FMNL1: variants seen among roughly 807,000 people sequenced by gnomAD.
The protein encoded by FMNL1 is formin like 1, also known as formin-like protein 1.
A neutral mutation model predicts 121.3 loss-of-function variants in FMNL1; 43 were observed. The ratio of observed to expected loss-of-function variants is 0.35; its 90% CI spans 0.28 to 0.46. The LOEUF is 0.46. FMNL1 is among the 20% of genes least tolerant of loss of function. The probability of loss-of-function intolerance (pLI) is 1.00; values close to 1 mark genes in which losing one functional copy is unlikely to be tolerated. For missense variants in FMNL1, 1,191 were observed against 1,482.4 expected, an observed-to-expected ratio of 0.80 and a Z score of 3.23; for synonymous variants, 613 against 613.5, an observed-to-expected ratio of 1.00 and a Z score of 0.01.
chr17:45,223,197 C>T (rs1466974523), intron 1 of FMNL1, among the ~76,000 whole-genome samples: 6 of 152,190 alleles, frequency 3.9e-5, no homozygotes, highest in Admixed American at 3.9e-4. Flanking sequence ...CCTTGCTGGA[C>T]GCTGGGTGAC....
At chr17:45,235,935 C>G (rs2043539701) in intron 6 of FMNL1, among the ~76,000 whole-genome samples, 1 of 152,304 alleles carries the variant, frequency 6.6e-6, no homozygotes, top group East Asian at 1.9e-4. Context: ...TCTGTGTCCC[C>G]CCTCCTCCAA....
rs780195441 is a variant in FMNL1, at chr17:45,237,238, G to C, written c.724-43G>C. 6.3e-7 allele frequency: 1 copy of C among 1,598,260 alleles called. No homozygotes were observed. Among genetic ancestry groups the C allele is most frequent in the Non-Finnish European group, 8.6e-7 (1 of 1,165,978 alleles). ...ACGTGGCGTGGGTGCCTGAAGTCCT[G>C]GGGGGCCCTTCCTGGAGACACTGAC... On this transcript the variant is annotated intron_variant, in intron 7 of 26. Coordinates refer to ENST00000331495, the MANE Select transcript of FMNL1 (RefSeq NM_005892.4). This position sits in a 1 kb window ranked among gnomAD's most constrained non-coding sequence, Gnocchi z 4.4.
Position 45,231,517 on chromosome 17 carries a change from G to A in FMNL1, c.213+830G>A, listed in dbSNP as rs550777597. ...GTAGGGGTCCCCTTGGAGCAGCTCA[G>A]CCTGACATCTCAGAGGTTGGGGGCT... On this transcript the variant is annotated intron_variant, in intron 2 of 26. Transcript: ENST00000331495. This position sits in a 1 kb window ranked among gnomAD's most constrained non-coding sequence, Gnocchi z 4.7. 3.3e-5 allele frequency: 5 copies of A among 152,686 alleles called. No homozygotes were observed. The highest frequency in any genetic ancestry group is 2.0e-4 in the Admixed American group (3 of 15,310). 9.5% of individuals were successfully genotyped at this position (152,686 alleles called of 1,614,324 possible). A position where few individuals can be genotyped will look rare whatever the true frequency, so the allele number is the denominator to read the frequency against.
At position 45,230,545 on chromosome 17, in the gene FMNL1, C is replaced by T. The variant is rs1316715422; in HGVS notation, c.130-59C>T. The T allele has an allele frequency of 1.2e-5, 18 of 1,553,268 alleles. No homozygotes were observed. The Admixed American group carries it at 3.0e-4, about 26-fold the overall frequency. On this transcript the variant is annotated intron_variant, in intron 1 of 26. Coordinates refer to ENST00000331495, the MANE Select transcript of FMNL1 (RefSeq NM_005892.4). ...AGTGGGTTTCCCCCAAATGCCCATT[C>T]TCCCCTCTCCCCTTGTTGGGGCCCC...
At chr17:45,228,649 C>T (rs992594550) in intron 1 of FMNL1, among the ~76,000 whole-genome samples, 1 of 152,214 alleles carries the variant, frequency 6.6e-6, no homozygotes, top group African/African-American at 2.4e-5. Context: ...TCTGGTGGAG[C>T]TGGCCACCTG....
chr17:45,244,117 C>T (rs1414965898), intron 18 of FMNL1, 59 bp from the exon 19 acceptor site: 4 of 1,608,770 alleles, frequency 2.5e-6, no homozygotes, highest in Non-Finnish European at 3.4e-6. Flanking sequence ...CCTGGGAGTA[C>T]TTGAGCCTCC....
chr17:45,240,410 G>A, intron 11 of FMNL1, 66 bp from the exon 12 acceptor site: 1 of 1,487,108 alleles, frequency 6.7e-7, no homozygotes, highest in Non-Finnish European at 9.0e-7. Flanking sequence ...GCAGGGGGGT[G>A]GTTTGGAAAG....
Position 45,241,077 on chromosome 17 carries a change from C to T in FMNL1, c.1231-52C>T. On this transcript the variant is annotated intron_variant, in intron 12 of 26. Transcript: ENST00000331495. The surrounding 1 kb of genome is among the most constrained non-coding windows in gnomAD (Gnocchi z 7.0). ...ATGCCTGATGCCGCCCCCTCACCGG[C>T]GGTGCCAGTGCCGGGCTGCGGGTCG... The T allele has an allele frequency of 1.2e-6, 2 of 1,602,620 alleles. No individual in the cohort carries two copies. The highest frequency in any genetic ancestry group is 1.7e-6 in the Non-Finnish European group (2 of 1,172,380).
chr17:45,241,369 G>T lies in FMNL1; in HGVS notation c.1333-13G>T, dbSNP rs138520820. On this transcript the variant is annotated splice_polypyrimidine_tract_variant and intron_variant, in intron 13 of 26. Transcript: ENST00000331495. The surrounding 1 kb of genome is among the most constrained non-coding windows in gnomAD (Gnocchi z 7.0). ...CTGCTGGTGGGCACTGACCCCTCCC[G>T]TGGGGTTCGTAGGAGCGCTTCAGCG... is the stretch of plus-strand genomic sequence containing the variant. The T allele has an allele frequency of 3.8e-6, 6 of 1,575,356 alleles. No individual in the cohort carries two copies. The African/African-American group carries it at 4.1e-5, about 11-fold the overall frequency.
At chr17:45,243,455 T>C (rs916707768) in intron 17 of FMNL1, 135 bp downstream of exon 17, 4 of 1,076,964 alleles carry the variant, frequency 3.7e-6, no homozygotes, top group Non-Finnish European at 5.2e-6. Context: ...TCCAGGAAAC[T>C]TGTCCCCATT....
In FMNL1 at chr17:45,241,583, A is replaced by C; in HGVS notation, c.1534A>C (p.Ser512Arg). ...CCTCCCCGTCGCTGTGGCAACTCCG[A>C]GCGGCGGTGATGCTCCGACTCCGGG... ...EILPVAVATP[S>R]GGDAPTPGVP... Residue 512 changes from serine (S) to arginine (R), a missense_variant, in exon 14 of 27, where the codon AGC (serine) becomes CGC (arginine). Transcript: ENST00000331495. The surrounding 1 kb of genome is among the most constrained non-coding windows in gnomAD (Gnocchi z 7.0). 6.4e-7 allele frequency: 1 copy of C among 1,558,376 alleles called. No homozygotes were observed. The highest frequency in any genetic ancestry group is 8.7e-7 in the Non-Finnish European group (1 of 1,150,318).
rs754393897 is a variant in FMNL1, at chr17:45,245,278, C to T, written c.2754C>T (p.Asp918=). The change falls in exon 22 of 27, where the codon GAC becomes GAT. Residue 918 remains aspartate, a synonymous_variant. Transcript: ENST00000331495. Reference sequence around the variant, plus strand: ...TGTCCCTGGACAGTGTCCTGGCGGACGTGCGCTCCCTGCAGCGAGGCCTAG... The same window carrying T: ...TGTCCCTGGACAGTGTCCTGGCGGATGTGCGCTCCCTGCAGCGAGGCCTAG... The part of the protein sequence containing the change: ...GSVSLDSVLA[D]VRSLQRGLEL... 79 of 1,614,062 alleles carry T rather than the reference C, an allele frequency of 4.9e-5. No individual in the cohort carries two copies. Among genetic ancestry groups the T allele is most frequent in the Non-Finnish European group, 6.3e-5 (74 of 1,180,030 alleles).
Position 45,246,917 on chromosome 17 carries a change from C to T in FMNL1, c.*59C>T, listed in dbSNP as rs767475343. ...CGCAGACACAGGCCGCCGCAGTGCC[C>T]GTCGGCGTCCCCCGGGCCCCCCACT... On this transcript the variant is annotated 3_prime_UTR_variant, in exon 27 of 27. Coordinates refer to ENST00000331495, the MANE Select transcript of FMNL1 (RefSeq NM_005892.4). 27 of 758,244 alleles carry T rather than the reference C, an allele frequency of 3.6e-5. No homozygotes were observed. Among genetic ancestry groups the T allele is most frequent in the African/African-American group, 6.8e-5 (4 of 59,026 alleles). The allele number at this position is 758,244 out of a possible 1,614,324, so 47.0% of individuals were successfully genotyped here. A position where few individuals can be genotyped will look rare whatever the true frequency, so the allele number is the denominator to read the frequency against.
intron 1 of FMNL1, among the ~76,000 whole-genome samples, chr17:45,224,578 G>T (rs1301544357): frequency 2.6e-5 from 4 of 152,190 alleles, no homozygotes; most frequent in Admixed American, 2.0e-4. Flanking sequence ...CCCTGGTGGG[G>T]CATAGGATCC....
chr17:45,244,797 G>A (rs2043791098), intron 19 of FMNL1, 22 bp from the exon 20 acceptor site: 6 of 1,602,206 alleles, frequency 3.7e-6, no homozygotes, highest in Non-Finnish European at 5.1e-6. Context: ...ATTCTGCTGA[G>A]CCTTTCTCCT....
At chr17:45,240,375 C>T in intron 11 of FMNL1, 101 bp from the exon 12 acceptor site, 2 of 1,324,152 alleles carry the variant, frequency 1.5e-6, no homozygotes, top group Non-Finnish European at 1.0e-6. Flanking sequence ...AGGGCTCAGG[C>T]CCCTTCCTCT....
In FMNL1 at chr17:45,247,148, C is replaced by A; in HGVS notation, c.*290C>A. ...GGGCAGCATCGCCCGCCCCTTCCCC[C>A]AAATGCTGCTTGCAGCACCCACCCT... On this transcript the variant is annotated 3_prime_UTR_variant, in exon 27 of 27. Coordinates refer to ENST00000331495, the MANE Select transcript of FMNL1 (RefSeq NM_005892.4). 1 of 585,654 alleles carries A rather than the reference C, an allele frequency of 1.7e-6. No homozygotes were observed. Among genetic ancestry groups the A allele is most frequent in the Non-Finnish European group, 3.1e-6 (1 of 326,770 alleles). 36.3% of individuals were successfully genotyped at this position (585,654 alleles called of 1,614,324 possible).
In FMNL1 at chr17:45,244,876, T is replaced by C; in HGVS notation, c.2575T>C (p.Phe859Leu). 6.2e-7 allele frequency: 1 copy of C among 1,613,920 alleles called. No individual in the cohort carries two copies. Among genetic ancestry groups the C allele is most frequent in the South Asian group, 1.1e-5 (1 of 91,054 alleles). ...TAGCAAGCGTGGGGCAGCCTATGGCTTCCGGCTCCAGAGCCTGGATGCGGT... is the reference window on the plus strand; with the variant it reads ...TAGCAAGCGTGGGGCAGCCTATGGCCTCCGGCTCCAGAGCCTGGATGCGGT... The part of the protein sequence containing the change: ...NSSKRGAAYG[F>L]RLQSLDALLE... Residue 859 changes from phenylalanine to leucine, a missense_variant, in exon 20 of 27, where the codon TTC (phenylalanine) becomes CTC (leucine). Phe to Leu is a conservative substitution (Grantham distance 22). This residue lies in a region of FMNL1 where 367 missense variants were observed against 528.6 expected (regional missense o/e 0.69). Transcript: ENST00000331495.
intron 26 of FMNL1, 99 bp from the exon 27 acceptor site, chr17:45,246,768 C>A: frequency 1.4e-6 from 1 of 730,432 alleles, no homozygotes; most frequent in South Asian, 1.6e-5. Context: ...CATGTGCACA[C>A]AATCTGAGTC....
Sources: gnomAD v4.1 joint callset for allele counts (sites outside exome capture counted in the v4.1 genomes callset) on GRCh38, gnomAD v4.1.1 for gene constraint, gnomAD v4.1.1 regional missense constraint, Gnocchi (gnomAD v3.1) non-coding constraint, MANE v1.5 for transcripts, NCBI Gene and HGNC (gene_info 2026-07-23, HGNC 2026-07-21) for gene names.